Variants in DISP1 observed in about 807,000 individuals in gnomAD.
DISP1 encodes dispatched RND transporter family member 1.
DISP1 carries 30 observed loss-of-function variants against 37.3 expected under a neutral mutation model. The observed-to-expected ratio is 0.80, with a 90% CI of 0.60 to 1.09. The LOEUF is 1.09. Among genes scored for constraint, DISP1 ranks in the 50% least tolerant of loss-of-function variants. The pLI is 0.00. For synonymous variants in DISP1, 634 were observed against 690.2 expected, an observed-to-expected ratio of 0.92 and a Z score of 1.28; for missense variants, 1,598 against 1,879.5, an observed-to-expected ratio of 0.85 and a Z score of 2.77.
At chr1:222,957,947 T>G (rs1675743083) in intron 3 of DISP1, among the ~76,000 whole-genome samples, 1 of 152,248 alleles carries the variant, frequency 6.6e-6, no homozygotes, top group African/African-American at 2.4e-5. Context: ...ATAGGATTTT[T>G]GAGTTCATAT....
intron 1 of DISP1, among the ~76,000 whole-genome samples, chr1:222,923,502 T>C (rs151280064): frequency 7.9e-5 from 12 of 152,232 alleles, no homozygotes; most frequent in Non-Finnish European, 1.5e-4. Context: ...GGAAAAAGGG[T>C]TGGACACTGA....
intron 1 of DISP1, among the ~76,000 whole-genome samples, chr1:222,926,577 C>T (rs533242561): frequency 6.6e-6 from 1 of 152,212 alleles, no homozygotes; most frequent in African/African-American, 2.4e-5. Context: ...AATATATAAC[C>T]TTGTTTTATG....
chr1:222,847,239 G>T (rs563531690), intron 1 of DISP1, among the ~76,000 whole-genome samples: 3 of 152,220 alleles, frequency 2.0e-5, no homozygotes, highest in African/African-American at 7.2e-5. Context: ...AGTTATTTGA[G>T]AACTTTCTTA....
chr1:222,950,144 T>A (rs1486286714), intron 3 of DISP1, among the ~76,000 whole-genome samples: 1 of 152,080 alleles, frequency 6.6e-6, no homozygotes, highest in Non-Finnish European at 1.5e-5. Flanking sequence ...CCCTGTAGGT[T>A]ATTGAGGTTA....
chr1:223,004,156 T>C lies in DISP1; in HGVS notation c.2759T>C (p.Ile920Thr). The change falls in exon 9 of 9, where the codon ATC becomes ACC. Residue 920 changes from isoleucine (I) to threonine (T), a missense_variant. Physicochemically the swap from Ile to Thr is moderately conservative, Grantham distance 89. Transcript: ENST00000675850. This position sits in a 1 kb window ranked among gnomAD's most constrained non-coding sequence, Gnocchi z 4.9. ...PGPRFDINDT[I>T]RAVVLEFQST... ...CCGAGGTTTGATATCAATGATACTA[T>C]CAGGGCAGTGGTGTTAGAGTTCCAG... is the stretch of plus-strand genomic sequence containing the variant. The C allele has an allele frequency of 6.2e-7, 1 of 1,614,186 alleles. No individual in the cohort carries two copies. The highest frequency in any genetic ancestry group is 8.5e-7 in the Non-Finnish European group (1 of 1,180,014).
intron 1 of DISP1, among the ~76,000 whole-genome samples, chr1:222,842,229 G>T (rs940030959): frequency 1.3e-5 from 2 of 150,548 alleles, no homozygotes; most frequent in Admixed American, 1.3e-4. Flanking sequence ...TTGGTATTTT[G>T]ATTGTTTAAA....
At chr1:222,954,244 A>G (rs1446431053) in intron 3 of DISP1, among the ~76,000 whole-genome samples, 1 of 152,162 alleles carries the variant, frequency 6.6e-6, no homozygotes, top group African/African-American at 2.4e-5. Flanking sequence ...GGTGTAACTT[A>G]AAAGAATTTA....
At chr1:222,935,624 T>C (rs2254329) in intron 2 of DISP1, among the ~76,000 whole-genome samples, 1 of 151,910 alleles carries the variant, frequency 6.6e-6, no homozygotes, top group Non-Finnish European at 1.5e-5. Context: ...GTGTACAATT[T>C]TAACAGTTGA....
At chr1:222,848,126 T>C (rs1459398457) in intron 1 of DISP1, among the ~76,000 whole-genome samples, 1 of 152,190 alleles carries the variant, frequency 6.6e-6, no homozygotes, top group East Asian at 1.9e-4. Context: ...GATTTATCTT[T>C]TCTCCATTGA....
At position 223,003,349 on chromosome 1, in the gene DISP1, G is replaced by T. The variant is rs148124771; in HGVS notation, c.1952G>T (p.Trp651Leu). ...GTGAATTACGTTTTGATGGTCACAT[G>T]GCTTCCAGCAGTTGTTGTGCTGCAT... ...ILVNYVLMVT[W>L]LPAVVVLHER... The change falls in exon 9 of 9, where the codon TGG becomes TTG. Residue 651 changes from tryptophan (W) to leucine (L), a missense_variant. Physicochemically the swap from Trp to Leu is moderately conservative, Grantham distance 61. Coordinates refer to ENST00000675850, the MANE Select transcript of DISP1 (RefSeq NM_001377229.1). The surrounding 1 kb of genome is among the most constrained non-coding windows in gnomAD (Gnocchi z 4.3). 6.8e-6 allele frequency: 11 copies of T among 1,613,968 alleles called. No individual in the cohort carries two copies. The highest frequency in any genetic ancestry group is 1.7e-5 in the Admixed American group (1 of 60,004).
At chr1:222,956,830 A>G (rs1334710753) in intron 3 of DISP1, among the ~76,000 whole-genome samples, 1 of 152,146 alleles carries the variant, frequency 6.6e-6, no homozygotes, top group Non-Finnish European at 1.5e-5. Context: ...ATTAATGATT[A>G]TTATTCACAT....
At chr1:222,917,258 G>T (rs568511226) in intron 1 of DISP1, among the ~76,000 whole-genome samples, 8 of 152,222 alleles carry the variant, frequency 5.3e-5, no homozygotes, top group Admixed American at 4.6e-4. Flanking sequence ...ATTCAGTCCT[G>T]TGGTAACCGT....
chr1:222,820,483 A>G (rs1662569572), intron 1 of DISP1, among the ~76,000 whole-genome samples: 1 of 152,180 alleles, frequency 6.6e-6, no homozygotes. Context: ...AAAGATAGAA[A>G]AGCATGGTGC....
rs1667917122 is a variant in DISP1, at chr1:222,846,572, G to A, written c.-159+31494G>A. Among the ~76,000 whole-genome samples, 4 of 152,324 alleles carry A rather than the reference G, an allele frequency of 2.6e-5. No homozygotes were observed. The South Asian group carries it at 6.2e-4, about 24-fold the overall frequency. On this transcript the variant is annotated intron_variant, in intron 1 of 8. Coordinates refer to ENST00000675850, the MANE Select transcript of DISP1 (RefSeq NM_001377229.1). ...GATAGCAGTTCTGCATATCAAAAAA[G>A]CAGGGAAGAGGAGAAATCTGATGAC...
Position 222,942,800 on chromosome 1 carries a change from T to C in DISP1, c.-17-7T>C, listed in dbSNP as rs1455235184. 6.2e-7 allele frequency: 1 copy of C among 1,614,130 alleles called. No homozygotes were observed. The highest frequency in any genetic ancestry group is 2.2e-5 in the East Asian group (1 of 44,878). On this transcript the variant is annotated splice_polypyrimidine_tract_variant and splice_region_variant and intron_variant, in intron 2 of 8. Coordinates refer to ENST00000675850, the MANE Select transcript of DISP1 (RefSeq NM_001377229.1). ...TAACTGGGCGATTTTATGATTTTCT[T>C]ACTTAGAGTCAAGAAATTGGAGCAT...
intron 1 of DISP1, among the ~76,000 whole-genome samples, chr1:222,927,367 TC>T (rs1673146936): frequency 6.6e-6 from 1 of 152,214 alleles, no homozygotes; most frequent in South Asian, 2.1e-4. Context: ...ATGTGTCTAT[TC>T]AAACACTTTA....
In DISP1 at chr1:222,893,930, A is replaced by G. The variant is rs1295821557; in HGVS notation, c.-158-34500A>G. Among the ~76,000 whole-genome samples the G allele has an allele frequency of 6.6e-6, 1 of 152,154 alleles. No individual in the cohort carries two copies. Among genetic ancestry groups the G allele is most frequent in the African/African-American group, 2.4e-5 (1 of 41,420 alleles). The stretch of plus-strand genomic sequence containing the variant: ...GACAACTGGAGTGTGAGCAAGGTGG[A>G]GAGGAGCTTCATTGAGTGGCAGAAC... On this transcript the variant is annotated intron_variant, in intron 1 of 8. Transcript: ENST00000675850. The surrounding 1 kb of genome is among the most constrained non-coding windows in gnomAD (Gnocchi z 4.3).
intron 1 of DISP1, among the ~76,000 whole-genome samples, chr1:222,897,866 A>G (rs1261415136): frequency 1.3e-5 from 2 of 152,200 alleles, no homozygotes; most frequent in African/African-American, 4.8e-5. Context: ...CATACATGTA[A>G]TGTAAAAACA....
In DISP1 at chr1:222,919,721, C is replaced by T. The variant is rs114858332; in HGVS notation, c.-158-8709C>T. On this transcript the variant is annotated intron_variant, in intron 1 of 8. Transcript: ENST00000675850. ...TTTGAACTTCTGAATAACTAATGCA[C>T]GTGTTTTCAACATATAAAACAACTC... Among the ~76,000 whole-genome samples the T allele has an allele frequency of 3.6e-3, 551 of 152,270 alleles. 2 individuals carry two copies. Among genetic ancestry groups the T allele is most frequent in the Non-Finnish European group, 6.5e-3 (445 of 68,002 alleles).
Sources: gnomAD v4.1 joint callset for allele counts (sites outside exome capture counted in the v4.1 genomes callset) on GRCh38, gnomAD v4.1.1 for gene constraint, Gnocchi (gnomAD v3.1) non-coding constraint, MANE v1.5 for transcripts, NCBI Gene and HGNC (gene_info 2026-07-23, HGNC 2026-07-21) for gene names.